The following RBFOX3 variants were observed in gnomAD, a reference collection of about 807,000 sequenced individuals.
RBFOX3 encodes RNA binding fox-1 homolog 3, also known as RNA binding protein fox-1 homolog 3.
A neutral mutation model predicts 48.7 loss-of-function variants in RBFOX3; 17 were observed. The observed-to-expected ratio is 0.35, with a 90% CI of 0.24 to 0.52. The LOEUF (loss-of-function observed/expected upper bound fraction) is 0.52, where lower values mean the gene tolerates loss of function less well. Among genes scored for constraint, RBFOX3 ranks in the 20% least tolerant of loss-of-function variants. The probability of loss-of-function intolerance (pLI) is 0.94; values close to 1 mark genes in which losing one functional copy is unlikely to be tolerated. For missense variants in RBFOX3, 382 were observed against 497.5 expected (o/e 0.77, Z 2.21); for synonymous variants, 212 against 209.5 (o/e 1.01, Z -0.10).
At chr17:79,147,028 C>CA (rs1382806696) in intron 4 of RBFOX3, among the ~76,000 whole-genome samples, 2 of 152,214 alleles carry the variant, frequency 1.3e-5, no homozygotes, top group African/African-American at 4.8e-5. Context: ...GAACAGGGGA[C>CA]AAAATAAGAA....
chr17:79,513,987 G>C (rs2084889984), intron 1 of RBFOX3, among the ~76,000 whole-genome samples: 1 of 152,204 alleles, frequency 6.6e-6, no homozygotes. Flanking sequence ...CATGTGACCA[G>C]ACCTGCCAAT....
intron 2 of RBFOX3, among the ~76,000 whole-genome samples, chr17:79,360,042 C>A (rs112282452): frequency 0.014 from 1,269 of 89,762 alleles, 19 homozygotes; most frequent in African/African-American, 0.051. Context: ...ATTGATGTTT[C>A]TTTATTTTTT....
chr17:79,348,102 C>T (rs924462769), intron 2 of RBFOX3, among the ~76,000 whole-genome samples: 31 of 152,152 alleles, frequency 2.0e-4, no homozygotes, highest in Admixed American at 1.1e-3. Context: ...CTGAGAGATG[C>T]GGCATTCAGA....
chr17:79,623,823 T>TAAA, the RBFOX3 span, among the ~76,000 whole-genome samples: 12 of 106,008 alleles, frequency 1.1e-4, no homozygotes, highest in African/African-American at 3.5e-4. Context: ...ACTCTGTCTC[T>TAAA]AAAAAAAAAA....
At chr17:79,219,735 C>A (rs1036027757) in intron 4 of RBFOX3, among the ~76,000 whole-genome samples, 1 of 152,106 alleles carries the variant, frequency 6.6e-6, no homozygotes, top group South Asian at 2.1e-4. Flanking sequence ...CACAGCCATG[C>A]TTCACCACTC....
intron 3 of RBFOX3, among the ~76,000 whole-genome samples, chr17:79,263,732 G>T (rs2066185926): frequency 6.6e-6 from 1 of 152,212 alleles, no homozygotes. Context: ...CACACAGGGG[G>T]CAGCCAGCGA....
At position 79,122,624 on chromosome 17, in the gene RBFOX3, A is replaced by C. The variant is rs187345239; in HGVS notation, c.-33-6876T>G. Among the ~76,000 whole-genome samples the C allele has an allele frequency of 2.0e-4, 31 of 152,360 alleles. 1 individual carries two copies. The East Asian group carries it at 4.8e-3, about 24-fold the overall frequency. On this transcript the variant is annotated intron_variant, in intron 4 of 14. Coordinates refer to ENST00000693108, the MANE Select transcript of RBFOX3 (RefSeq NM_001350451.2). ...TGCTGGCGGGAATATAAATTAGAAC[A>C]ACCACTACGGAGAACAGTTTGGAGG... is the stretch of plus-strand genomic sequence containing the variant.
intron 2 of RBFOX3, among the ~76,000 whole-genome samples, chr17:79,367,244 C>T (rs2057903435): frequency 6.9e-6 from 1 of 145,718 alleles, no homozygotes; most frequent in South Asian, 2.4e-4. Flanking sequence ...CCCCTTCTCC[C>T]TCCTCCCCTC....
chr17:79,466,321 C>G (rs868978532), intron 2 of RBFOX3, among the ~76,000 whole-genome samples: 1 of 152,144 alleles, frequency 6.6e-6, no homozygotes. Context: ...TCCTGGGGGG[C>G]GGGGGGCGAG....
intron 4 of RBFOX3, among the ~76,000 whole-genome samples, chr17:79,187,812 G>A (rs1159526079): frequency 6.6e-6 from 1 of 152,110 alleles, no homozygotes; most frequent in Non-Finnish European, 1.5e-5. Flanking sequence ...CAGACACCAC[G>A]GGGCAAGGTC....
chr17:79,216,667 C>T (rs990431263), intron 4 of RBFOX3, among the ~76,000 whole-genome samples: 3 of 152,170 alleles, frequency 2.0e-5, no homozygotes, highest in Non-Finnish European at 4.4e-5. Context: ...GGGTCACATG[C>T]CCACCCGTTC....
rs2079051401 is a variant in RBFOX3 at position 79,483,442 on chromosome 17, C to CCCTCCCTCCCTCTCTCCCTGCCTG, written c.-319-845_-319-844insCAGGCAGGGAGAGAGGGAGGGAGG. Among the ~76,000 whole-genome samples the CCCTCCCTCCCTCTCTCCCTGCCTG allele has an allele frequency of 1.0e-3, 21 of 20,586 alleles. 2 individuals carry two copies. Among genetic ancestry groups the CCCTCCCTCCCTCTCTCCCTGCCTG allele is most frequent in the Middle Eastern group, 0.025 (1 of 40 alleles). The allele number at this position is 20,586 out of a possible 152,430, so 13.5% of individuals were successfully genotyped here. ...CTCTTCCCTGCACAATTGCAGGCCTCCCTCCCTCCCTCCCTCCCTGCCTGC... is the reference window on the plus strand; with the variant it reads ...CTCTTCCCTGCACAATTGCAGGCCTCCCTCCCTCCCTCTCTCCCTGCCTGCCTCCCTCCCTCCCTCCCTGCCTGC... On this transcript the variant is annotated intron_variant, in intron 1 of 14. Transcript: ENST00000693108.
intron 4 of RBFOX3, among the ~76,000 whole-genome samples, chr17:79,132,261 CTGGGG>C (rs1182074484): frequency 1.4e-3 from 13 of 9,384 alleles, no homozygotes; most frequent in Admixed American, 4.0e-3. Context: ...AGCGGGTAGA[CTGGGG>C]TGGGGTGGGG....
At chr17:79,385,503 G>GT (rs1175248180) in intron 2 of RBFOX3, among the ~76,000 whole-genome samples, 2 of 152,118 alleles carry the variant, frequency 1.3e-5, no homozygotes, top group Non-Finnish European at 2.9e-5. Flanking sequence ...GGCTGTGCCT[G>GT]TTCCTGGCCA....
At chr17:79,093,994 G>A (rs1259578332) in intron 14 of RBFOX3, among the ~76,000 whole-genome samples, 3 of 152,082 alleles carry the variant, frequency 2.0e-5, no homozygotes, top group South Asian at 2.1e-4. Context: ...CTCCCCTCTC[G>A]GATGCGATGC....
intron 1 of RBFOX3, among the ~76,000 whole-genome samples, chr17:79,505,628 C>T (rs2082999911): frequency 6.6e-6 from 1 of 152,188 alleles, no homozygotes; most frequent in Admixed American, 6.5e-5. Context: ...GGAGGTACCA[C>T]CACCAGCTCA....
intron 3 of RBFOX3, among the ~76,000 whole-genome samples, chr17:79,244,458 C>T (rs1448596422): frequency 2.6e-5 from 4 of 152,272 alleles, no homozygotes; most frequent in East Asian, 1.9e-4. Flanking sequence ...TCATCTGTTA[C>T]GGCAGCCACA....
At position 79,375,526 on chromosome 17, in the gene RBFOX3, A is replaced by C. The variant is rs560278877; in HGVS notation, c.-174-67702T>G. Among the ~76,000 whole-genome samples, 13 of 152,146 alleles carry C rather than the reference A, an allele frequency of 8.5e-5. No homozygotes were observed. In the South Asian group the frequency reaches 2.7e-3, roughly 32 times the overall value. Reference sequence around the variant, plus strand: ...CAGGGTGACGTGCTGGGCTCTGGGGAGGGAGCAGCGTTCTGGGAGAGCTCT... The same window carrying C: ...CAGGGTGACGTGCTGGGCTCTGGGGCGGGAGCAGCGTTCTGGGAGAGCTCT... On this transcript the variant is annotated intron_variant, in intron 2 of 14. Coordinates refer to ENST00000693108, the MANE Select transcript of RBFOX3 (RefSeq NM_001350451.2).
intron 2 of RBFOX3, among the ~76,000 whole-genome samples, chr17:79,464,563 C>T (rs532908046): frequency 1.3e-5 from 2 of 152,152 alleles, no homozygotes; most frequent in Non-Finnish European, 2.9e-5. Flanking sequence ...ATGCAGACGC[C>T]GGGGGGAGGC....
Sources: gnomAD v4.1 joint callset for allele counts (sites outside exome capture counted in the v4.1 genomes callset) on GRCh38, gnomAD v4.1.1 for gene constraint, MANE v1.5 for transcripts, NCBI Gene and HGNC (gene_info 2026-07-23, HGNC 2026-07-21) for gene names.